PDLIM5: variants seen among roughly 807,000 people sequenced by gnomAD.
PDLIM5 encodes the protein PDZ and LIM domain 5, also known as PDZ and LIM domain protein 5.
A neutral mutation model predicts 64.2 loss-of-function variants in PDLIM5; 34 were observed. The observed-to-expected ratio is 0.53, with a 90% CI of 0.40 to 0.71. PDLIM5 has a LOEUF of 0.71. Ranked by LOEUF, PDLIM5 falls within the 30% of genes least tolerant of loss-of-function variation. The pLI is 0.00. For synonymous variants in PDLIM5, 253 were observed against 269.1 expected (o/e 0.94, Z 0.59); for missense variants, 683 against 733.6 (o/e 0.93, Z 0.80).
chr4:94,512,025 A>ATT (rs879520279), intron 2 of PDLIM5, among the ~76,000 whole-genome samples: 1 of 142,438 alleles, frequency 7.0e-6, no homozygotes, highest in African/African-American at 2.6e-5. Flanking sequence ...CAGTGGCTCT[A>ATT]TTTTTTTTTT....
chr4:94,526,372 T>G (rs952662921), intron 3 of PDLIM5, among the ~76,000 whole-genome samples: 19 of 152,230 alleles, frequency 1.2e-4, no homozygotes, highest in African/African-American at 3.9e-4. Context: ...AATTGACTTG[T>G]TATAAACATT....
chr4:94,613,448 A>G (rs1738529411), intron 7 of PDLIM5, among the ~76,000 whole-genome samples: 1 of 152,228 alleles, frequency 6.6e-6, no homozygotes, highest in Non-Finnish European at 1.5e-5. Context: ...AACTCAAGAT[A>G]AATCAGGTTG....
At chr4:94,496,873 A>C (rs1727448369) in intron 2 of PDLIM5, among the ~76,000 whole-genome samples, 1 of 152,248 alleles carries the variant, frequency 6.6e-6, no homozygotes, top group Non-Finnish European at 1.5e-5. Context: ...AAATGAGAGC[A>C]TAAGTAGATA....
intron 7 of PDLIM5, among the ~76,000 whole-genome samples, chr4:94,601,238 T>G (rs1737465195): frequency 1.3e-5 from 2 of 152,188 alleles, no homozygotes; most frequent in South Asian, 4.1e-4. Context: ...TCTTAGTTCA[T>G]AGATGATGCC....
At chr4:94,465,325 C>T (rs1422205251) in intron 2 of PDLIM5, among the ~76,000 whole-genome samples, 1 of 152,112 alleles carries the variant, frequency 6.6e-6, no homozygotes, top group Non-Finnish European at 1.5e-5. Context: ...TGTTTGGGTC[C>T]TGTTCTAGAT....
intron 8 of PDLIM5, among the ~76,000 whole-genome samples, chr4:94,625,853 A>G (rs1247106868): frequency 6.6e-6 from 1 of 152,222 alleles, no homozygotes; most frequent in African/African-American, 2.4e-5. Context: ...ATTAGGTGAT[A>G]TGTATATAAG....
intron 3 of PDLIM5, among the ~76,000 whole-genome samples, chr4:94,534,545 A>G (rs1731156925): frequency 6.6e-6 from 1 of 152,178 alleles, no homozygotes; most frequent in South Asian, 2.1e-4. Flanking sequence ...AATATGCTAC[A>G]GGGGTTCAAA....
chr4:94,532,464 G>C (rs985410726), intron 3 of PDLIM5, among the ~76,000 whole-genome samples: 21 of 152,208 alleles, frequency 1.4e-4, no homozygotes, highest in African/African-American at 4.3e-4. Context: ...GGGAGGAGGA[G>C]GTAACAATTA....
chr4:94,622,224 A>G (rs1237955468), intron 8 of PDLIM5, among the ~76,000 whole-genome samples: 1 of 151,260 alleles, frequency 6.6e-6, no homozygotes, highest in Non-Finnish European at 1.5e-5. Flanking sequence ...ATGCAAATGA[A>G]AAAGTCTTTT....
chr4:94,595,288 C>T (rs1296913568), intron 7 of PDLIM5, among the ~76,000 whole-genome samples: 3 of 152,190 alleles, frequency 2.0e-5, no homozygotes, highest in Non-Finnish European at 4.4e-5. Flanking sequence ...TATGATATGG[C>T]TTCCCAATTG....
intron 8 of PDLIM5, among the ~76,000 whole-genome samples, chr4:94,631,143 G>C (rs944503711): frequency 6.6e-6 from 1 of 150,866 alleles, no homozygotes; most frequent in African/African-American, 2.4e-5. Context: ...CCTCAAGTGA[G>C]CCTCCTACCT....
intron 8 of PDLIM5, among the ~76,000 whole-genome samples, chr4:94,635,334 A>G (rs1740472053): frequency 6.6e-6 from 1 of 152,174 alleles, no homozygotes; most frequent in Non-Finnish European, 1.5e-5. Context: ...TGATGTTCTC[A>G]TTGTGACAGT....
At chr4:94,522,171 A>G (rs1729888679) in intron 2 of PDLIM5, among the ~76,000 whole-genome samples, 1 of 152,204 alleles carries the variant, frequency 6.6e-6, no homozygotes, top group African/African-American at 2.4e-5. Context: ...GTAATAGCTA[A>G]CATTTATTCA....
intron 7 of PDLIM5, among the ~76,000 whole-genome samples, chr4:94,613,713 T>G (rs547724727): frequency 2.6e-5 from 4 of 152,252 alleles, no homozygotes; most frequent in Non-Finnish European, 5.9e-5. Flanking sequence ...ATTTATGGAT[T>G]TACACCAATT....
chr4:94,542,855 TC>T (rs1176309847), intron 3 of PDLIM5, among the ~76,000 whole-genome samples: 1 of 152,122 alleles, frequency 6.6e-6, no homozygotes, highest in Non-Finnish European at 1.5e-5. Flanking sequence ...CAAAATTGTT[TC>T]CTAAAAACAA....
chr4:94,555,875 A>G (rs1162456869), intron 3 of PDLIM5, among the ~76,000 whole-genome samples: 1 of 151,328 alleles, frequency 6.6e-6, no homozygotes, highest in Non-Finnish European at 1.5e-5. Flanking sequence ...TAACTTGGGC[A>G]AGTTTATTTA....
chr4:94,494,432 G>GTTTTTTTTTTTTT (rs61675663), intron 2 of PDLIM5, among the ~76,000 whole-genome samples: 223 of 70,784 alleles, frequency 3.2e-3, no homozygotes, highest in South Asian at 6.5e-3. Context: ...TTTTTTTCTT[G>GTTTTTTTTTTTTT]TTTTTTTTTT....
chr4:94,664,118 T>C lies in PDLIM5; in HGVS notation c.*51T>C, dbSNP rs1560775389. The C allele has an allele frequency of 2.1e-6, 3 of 1,408,428 alleles. No homozygotes were observed. The highest frequency in any genetic ancestry group is 1.8e-4 in the Middle Eastern group (1 of 5,452). 87.2% of individuals were successfully genotyped at this position (1,408,428 alleles called of 1,614,324 possible). On this transcript the variant is annotated 3_prime_UTR_variant, in exon 13 of 13. Transcript: ENST00000317968. ...GGAATTTGAAGAGAAAAAGGAAAAT[T>C]AAAATTACTAATTAATTTTTAGATT...
At chr4:94,613,082 G>A (rs1738506787) in intron 7 of PDLIM5, among the ~76,000 whole-genome samples, 1 of 151,914 alleles carries the variant, frequency 6.6e-6, no homozygotes, top group African/African-American at 2.4e-5. Context: ...CTCTCTACAT[G>A]TCCAGGTCTT....
Sources: gnomAD v4.1 joint callset for allele counts (sites outside exome capture counted in the v4.1 genomes callset) on GRCh38, gnomAD v4.1.1 for gene constraint, MANE v1.5 for transcripts, NCBI Gene and HGNC (gene_info 2026-07-23, HGNC 2026-07-21) for gene names.